Variants in IST1 observed in about 807,000 individuals in gnomAD.
IST1 encodes IST1 factor associated with ESCRT-III.
In IST1, 23 loss-of-function variants were observed where a neutral mutation model predicts 37.0. The ratio of observed to expected loss-of-function variants is 0.62; its 90% CI spans 0.45 to 0.88. The LOEUF is 0.88. IST1 is among the 40% of genes least tolerant of loss of function. IST1 has a pLI of 0.00. For synonymous variants in IST1, 180 were observed against 161.7 expected, an observed-to-expected ratio of 1.11 and a Z score of -0.86; for missense variants, 488 against 445.4, an observed-to-expected ratio of 1.10 and a Z score of -0.86.
rs757027236 is a variant in IST1 at position 71,917,144 on chromosome 16, A to G, written c.357+10A>G. ...GGCTGAGTTGAAAATAGTGAGTACA[A>G]GTAGTTTCAGTGATGTCTGTAGCTT... On this transcript the variant is annotated intron_variant, in intron 4 of 9. Transcript: ENST00000378799. The G allele has an allele frequency of 4.6e-6, 7 of 1,523,838 alleles. No homozygotes were observed. Among genetic ancestry groups the G allele is most frequent in the East Asian group, 2.3e-5 (1 of 44,402 alleles). The allele number at this position is 1,523,838 out of a possible 1,614,324, so 94.4% of individuals were successfully genotyped here.
chr16:71,907,577 C>T (rs1051989302), intron 1 of IST1, among the ~76,000 whole-genome samples: 2 of 151,668 alleles, frequency 1.3e-5, no homozygotes, highest in African/African-American at 2.4e-5. Flanking sequence ...GCGCCTGGCC[C>T]CCTTATAGGA....
chr16:71,915,250 T>C (rs2037442578), intron 1 of IST1, among the ~76,000 whole-genome samples: 1 of 152,170 alleles, frequency 6.6e-6, no homozygotes, highest in Non-Finnish European at 1.5e-5. Flanking sequence ...TCTTTATCTT[T>C]TTATCACACC....
chr16:71,901,935 C>T (rs2037117779), intron 1 of IST1, among the ~76,000 whole-genome samples: 1 of 152,036 alleles, frequency 6.6e-6, no homozygotes. Context: ...AATTGTTAAA[C>T]CGAGGGAAAA....
At chr16:71,894,939 C>T, upstream of IST1, 6 of 1,005,720 alleles carry the variant, frequency 6.0e-6, no homozygotes, top group Non-Finnish European at 7.5e-6. Flanking sequence ...GGAAACACTA[C>T]TGAATTATAC....
At position 71,922,574 on chromosome 16, in the gene IST1, C is replaced by T. The variant is rs1292257152; in HGVS notation, c.653C>T (p.Thr218Ile). ...GPGRGGSGGF[T>I]APVGGPDGTV... is the part of the protein sequence containing the mutation. ...GGAAGAGGAGGGAGTGGTGGCTTCA[C>T]AGCACCAGTTGGTGGACCTGATGGA... Residue 218 changes from threonine (T) to isoleucine (I), a missense_variant, in exon 7 of 10, where the codon ACA becomes ATA. Physicochemically the swap from Thr to Ile is moderately conservative, Grantham distance 89. This residue lies in a region of IST1 where 455 missense variants were observed against 386.2 expected (regional missense o/e 1.18). Transcript: ENST00000378799. 6.2e-7 allele frequency: 1 copy of T among 1,614,030 alleles called. No individual in the cohort carries two copies. Among genetic ancestry groups the T allele is most frequent in the Non-Finnish European group, 8.5e-7 (1 of 1,179,962 alleles).
At chr16:71,920,588 A>G in intron 4 of IST1, 151 bp from the exon 5 acceptor site, 1 of 600,916 alleles carries the variant, frequency 1.7e-6, no homozygotes, top group Non-Finnish European at 3.0e-6. Flanking sequence ...GGATGAACAA[A>G]TAGTGGATTA....
At chr16:71,909,204 T>C (rs6499551) in intron 1 of IST1, among the ~76,000 whole-genome samples, 120,452 of 150,646 alleles carry the variant, frequency 0.8, 48,501 homozygotes, top group East Asian at 0.98. Flanking sequence ...ACCTCCTGGG[T>C]GCAAGTGAGC....
chr16:71,923,401 T>C (rs1024084811), intron 8 of IST1, 21 bp downstream of exon 8: 26 of 1,471,752 alleles, frequency 1.8e-5, no homozygotes, highest in Non-Finnish European at 2.5e-5. Flanking sequence ...GAGCCTCTTT[T>C]ATAAGCAACA....
rs775121104 is a variant in IST1 at position 71,924,739 on chromosome 16, TCTC to T, written c.853-26_853-24del. ...ACTTTCTCCAGTGACACTATTGCTG[TCTC>T]CTCTGGTAACAATCTTTGTGTTTCA... is the stretch of plus-strand genomic sequence containing the variant. On this transcript the variant is annotated intron_variant, in intron 8 of 9. Transcript: ENST00000378799. 2.6e-6 allele frequency: 4 copies of T among 1,560,654 alleles called. No individual in the cohort carries two copies. In the Admixed American group the frequency reaches 6.7e-5, roughly 26 times the overall value.
intron 9 of IST1, among the ~76,000 whole-genome samples, chr16:71,927,089 T>G (rs1030444269): frequency 2.0e-5 from 3 of 152,204 alleles, no homozygotes; most frequent in African/African-American, 7.2e-5. Flanking sequence ...GCCCCATGTA[T>G]CCCACTTTGA....
intron 1 of IST1, 43 bp downstream of exon 1, chr16:71,895,632 T>TA: frequency 1.2e-6 from 1 of 814,744 alleles, no homozygotes; most frequent in Non-Finnish European, 1.5e-6. Context: ...TGTCTTCCTC[T>TA]TCTCTCTGCG....
intron 1 of IST1, among the ~76,000 whole-genome samples, chr16:71,900,335 T>TTC (rs2037079146): frequency 1.1e-5 from 1 of 93,760 alleles, no homozygotes; most frequent in East Asian, 2.4e-4. Flanking sequence ...GTCTTTTTTT[T>TTC]TTTTTTTTTT....
chr16:71,902,521 C>T (rs1460239936), intron 1 of IST1, among the ~76,000 whole-genome samples: 1 of 152,222 alleles, frequency 6.6e-6, no homozygotes, highest in East Asian at 1.9e-4. Flanking sequence ...CTGCCCGCCT[C>T]GGCTTCCCAA....
chr16:71,907,394 C>T (rs2037249342), intron 1 of IST1, among the ~76,000 whole-genome samples: 3 of 151,766 alleles, frequency 2.0e-5, no homozygotes, highest in African/African-American at 7.3e-5. Flanking sequence ...TCTCCTGCCT[C>T]AGCCTCCCGA....
In IST1 at chr16:71,929,600, A is replaced by T; in HGVS notation, c.*1787A>T. 1 of 1,551,848 alleles carries T rather than the reference A, an allele frequency of 6.4e-7. No individual in the cohort carries two copies. Among genetic ancestry groups the T allele is most frequent in the Non-Finnish European group, 8.7e-7 (1 of 1,147,018 alleles). Reference sequence around the variant, plus strand: ...ACTGCTGTCGTGGCTGCTTGCTCAGATGAGGTTTTTTGGGGCCAACTGATT... The same window carrying T: ...ACTGCTGTCGTGGCTGCTTGCTCAGTTGAGGTTTTTTGGGGCCAACTGATT... On this transcript the variant is annotated 3_prime_UTR_variant, in exon 10 of 10. Coordinates refer to ENST00000378799, the MANE Select transcript of IST1 (RefSeq NM_001270975.2).
chr16:71,900,648 G>A (rs537749068), intron 1 of IST1, among the ~76,000 whole-genome samples: 4 of 137,110 alleles, frequency 2.9e-5, no homozygotes, highest in African/African-American at 1.1e-4. Context: ...AAAAATAATG[G>A]TGTTACACTA....
chr16:71,904,867 A>T (rs965366327), intron 1 of IST1, among the ~76,000 whole-genome samples: 4 of 152,056 alleles, frequency 2.6e-5, no homozygotes, highest in Non-Finnish European at 4.4e-5. Context: ...TTGTGTTTAT[A>T]CCATTTTCAT....
intron 9 of IST1, among the ~76,000 whole-genome samples, chr16:71,925,637 A>G (rs756674571): frequency 3.9e-5 from 6 of 152,060 alleles, no homozygotes; most frequent in Non-Finnish European, 7.4e-5. Context: ...TTGTAAAGCA[A>G]TCATGTTCAT....
At chr16:71,897,172 C>CT (rs35671031) in intron 1 of IST1, among the ~76,000 whole-genome samples, 94 of 65,486 alleles carry the variant, frequency 1.4e-3, no homozygotes, top group Non-Finnish European at 1.9e-3. Flanking sequence ...CCACGCCTGG[C>CT]TTTTTTTTTT....
Sources: gnomAD v4.1 joint callset for allele counts (sites outside exome capture counted in the v4.1 genomes callset) on GRCh38, gnomAD v4.1.1 for gene constraint, gnomAD v4.1.1 regional missense constraint, MANE v1.5 for transcripts, NCBI Gene and HGNC (gene_info 2026-07-23, HGNC 2026-07-21) for gene names.